PRUNE2: variants seen among roughly 807,000 people sequenced by gnomAD.
The protein encoded by PRUNE2 is protein prune homolog 2.
Under a neutral mutation model 252.0 loss-of-function variants are expected in PRUNE2, and 164 were observed. That is an observed-to-expected ratio of 0.65 (90% CI 0.57 to 0.74). The LOEUF is 0.74. Ranked by LOEUF, PRUNE2 falls within the 30% of genes least tolerant of loss-of-function variation. PRUNE2 has a pLI of 0.00. For synonymous variants in PRUNE2, 1,292 were observed against 1,350.2 expected (o/e 0.96, Z 0.94); for missense variants, 3,495 against 3,711.0 (o/e 0.94, Z 1.51).
chr9:76,757,905 T>G lies in PRUNE2; in HGVS notation c.757-44184A>C, dbSNP rs1186627741. Among the ~76,000 whole-genome samples, 3 of 152,332 alleles carry G rather than the reference T, an allele frequency of 2.0e-5. No individual in the cohort carries two copies. The East Asian group carries it at 5.8e-4, about 29-fold the overall frequency. On this transcript the variant is annotated intron_variant, in intron 6 of 18. Transcript: ENST00000376718. ...TTAGAATAGATCCCGAAAGTCTTAG[T>G]GCAGTTTTAAGCTTTAATGACTTCA...
chr9:76,799,341 C>CAAA (rs71354683), intron 6 of PRUNE2, among the ~76,000 whole-genome samples: 5 of 112,736 alleles, frequency 4.4e-5, no homozygotes, highest in African/African-American at 1.0e-4. Flanking sequence ...AACTCTGTCT[C>CAAA]AAAAAAAAAA....
In PRUNE2 at chr9:76,739,740, G is replaced by T. The variant is rs578088178; in HGVS notation, c.757-26019C>A. ...GCCCTAGAGTTTTCGGAACTCTTTAGATTTCAAAATTGTAGATGGGGGACT... is the reference window on the plus strand; with the variant it reads ...GCCCTAGAGTTTTCGGAACTCTTTATATTTCAAAATTGTAGATGGGGGACT... On this transcript the variant is annotated intron_variant, in intron 6 of 18. Transcript: ENST00000376718. The T allele has an allele frequency of 2.6e-5, 4 of 152,232 alleles. No homozygotes were observed. In the South Asian group the frequency reaches 6.2e-4, roughly 24 times the overall value. 9.4% of individuals were successfully genotyped at this position (152,232 alleles called of 1,614,324 possible). A position where few individuals can be genotyped will look rare whatever the true frequency, so the allele number is the denominator to read the frequency against.
chr9:76,805,206 C>T (rs1428469903), intron 6 of PRUNE2, among the ~76,000 whole-genome samples: 3 of 152,210 alleles, frequency 2.0e-5, no homozygotes, highest in Non-Finnish European at 2.9e-5. Flanking sequence ...CTGAGGCCCC[C>T]CACCGCATGC....
chr9:76,903,768 A>T (rs1049857175), intron 1 of PRUNE2, among the ~76,000 whole-genome samples: 4 of 152,008 alleles, frequency 2.6e-5, no homozygotes, highest in African/African-American at 9.7e-5. Context: ...TTGTACTTTT[A>T]GTAGAGATGA....
rs1048817027 is a variant in PRUNE2, at chr9:76,672,110, A to G, written c.8277-16608T>C. On this transcript the variant is annotated intron_variant, in intron 9 of 18. Transcript: ENST00000376718. Reference sequence around the variant, plus strand: ...CCAATTAAAAGACACAGACTGGCGAATTGGATAAAGAGTCAAGACCCATCA... The same window carrying G: ...CCAATTAAAAGACACAGACTGGCGAGTTGGATAAAGAGTCAAGACCCATCA... Among the ~76,000 whole-genome samples the G allele has an allele frequency of 1.8e-3, 281 of 152,120 alleles. 1 individual carries two copies. Among genetic ancestry groups the G allele is most frequent in the African/African-American group, 6.0e-3 (250 of 41,492 alleles).
At position 76,846,320 on chromosome 9, in the gene PRUNE2, T is replaced by G. The variant is rs542573336; in HGVS notation, c.508+195A>C. 2.2e-4 allele frequency among the ~76,000 whole-genome samples: 34 copies of G among 152,342 alleles called. 2 individuals carry two copies. In the South Asian group the frequency reaches 5.6e-3, roughly 25 times the overall value. On this transcript the variant is annotated intron_variant, in intron 4 of 18. Coordinates refer to ENST00000376718, the MANE Select transcript of PRUNE2 (RefSeq NM_015225.3). The stretch of plus-strand genomic sequence containing the variant: ...CAGCAAAGGCCCCTCATGCCTATTT[T>G]TAAATGCACATTTTTAATATTCAGT...
chr9:76,644,790 G>C lies in PRUNE2; in HGVS notation c.8677C>G (p.Arg2893Gly), dbSNP rs1262506415. The C allele has an allele frequency of 6.2e-7, 1 of 1,613,886 alleles. No individual in the cohort carries two copies. Among genetic ancestry groups the C allele is most frequent in the Middle Eastern group, 1.7e-4 (1 of 6,060 alleles). Residue 2893 changes from arginine to glycine, a missense_variant, in exon 12 of 19, where the codon CGC becomes GGC. Physicochemically the swap from Arg to Gly is moderately radical, Grantham distance 125 (BLOSUM62 -2). Transcript: ENST00000376718. The stretch of plus-strand genomic sequence containing the variant: ...GGCTCGATGACCTTCATGTCAATGC[G>C]CTGCTCTTGTTCTCCAATGACCACT... ...RTVVIGEQEQ[R>G]IDMKVIEPYR...
At chr9:76,656,603 A>G (rs1386251994) in intron 9 of PRUNE2, among the ~76,000 whole-genome samples, 1 of 152,162 alleles carries the variant, frequency 6.6e-6, no homozygotes. Flanking sequence ...CGATTACTGC[A>G]TTTGCTTCAT....
At chr9:76,620,783 A>G (rs951303058) in intron 17 of PRUNE2, among the ~76,000 whole-genome samples, 4 of 152,186 alleles carry the variant, frequency 2.6e-5, no homozygotes, top group African/African-American at 9.7e-5. Context: ...GGAATCAAGA[A>G]AGGGCAATCT....
chr9:76,903,205 G>C (rs556016141), intron 1 of PRUNE2, among the ~76,000 whole-genome samples: 2 of 152,156 alleles, frequency 1.3e-5, no homozygotes, highest in African/African-American at 4.8e-5. Flanking sequence ...TTATATCTAT[G>C]GCTAATAGCA....
rs781645365 is a variant in PRUNE2 at position 76,703,377 on chromosome 9, C to T, written c.8236G>A (p.Glu2746Lys). ...IPDTEMEEET[E>K]FLELGTRISR... is the part of the protein sequence containing the mutation. ...ATCCTGGTTCCGAGCTCAAGGAACT[C>T]TGTCTCCTCCTCCATTTCCGTGTCA... is the stretch of plus-strand genomic sequence containing the variant. The change falls in exon 9 of 19, where the codon GAG becomes AAG. Residue 2746 changes from glutamate to lysine, a missense_variant. By Grantham distance (56) the Glu-to-Lys change is moderately conservative (BLOSUM62 1). Coordinates refer to ENST00000376718, the MANE Select transcript of PRUNE2 (RefSeq NM_015225.3). 3.7e-6 allele frequency: 6 copies of T among 1,608,806 alleles called. No individual in the cohort carries two copies. Among genetic ancestry groups the T allele is most frequent in the Non-Finnish European group, 5.1e-6 (6 of 1,177,140 alleles).
At position 76,652,588 on chromosome 9, in the gene PRUNE2, A is replaced by G. The variant is rs1269289259; in HGVS notation, c.8452T>C (p.Ser2818Pro). 4 of 1,612,696 alleles carry G rather than the reference A, an allele frequency of 2.5e-6. No homozygotes were observed. In the South Asian group the frequency reaches 4.4e-5, roughly 18 times the overall value. The change falls in exon 11 of 19, where the codon TCT becomes CCT. Residue 2818 changes from serine (S) to proline (P), a missense_variant. Physicochemically the swap from Ser to Pro is moderately conservative, Grantham distance 74. Coordinates refer to ENST00000376718, the MANE Select transcript of PRUNE2 (RefSeq NM_015225.3). ...INLSLDQSEGSILSDDNLDSP... is the reference protein window; with the variant it reads ...INLSLDQSEGPILSDDNLDSP... ...TCCAAGTTATCATCAGAGAGAATAG[A>G]TCCTTCACTTTGGTCCAGAGAAAGA...
chr9:76,683,157 G>A (rs1304425193), intron 9 of PRUNE2, among the ~76,000 whole-genome samples: 4 of 152,194 alleles, frequency 2.6e-5, no homozygotes, highest in Non-Finnish European at 5.9e-5. Context: ...AACTGACCCA[G>A]GACTGACCAA....
intron 6 of PRUNE2, among the ~76,000 whole-genome samples, chr9:76,792,317 A>G (rs2055631452): frequency 6.6e-6 from 1 of 152,118 alleles, no homozygotes; most frequent in Admixed American, 6.5e-5. Context: ...TTCACCTTCC[A>G]CCATGATTGT....
intron 9 of PRUNE2, among the ~76,000 whole-genome samples, chr9:76,663,002 C>T (rs1257811306): frequency 6.6e-6 from 1 of 152,150 alleles, no homozygotes; most frequent in African/African-American, 2.4e-5. Flanking sequence ...ATCAATTAGC[C>T]TATGGGCTGG....
chr9:76,720,215 A>T (rs1450549328), intron 6 of PRUNE2, among the ~76,000 whole-genome samples: 1 of 152,254 alleles, frequency 6.6e-6, no homozygotes, highest in African/African-American at 2.4e-5. Context: ...ACATAAAAGT[A>T]GAATGTCATT....
intron 6 of PRUNE2, among the ~76,000 whole-genome samples, chr9:76,788,076 A>C (rs1383675596): frequency 6.6e-6 from 1 of 152,254 alleles, no homozygotes; most frequent in Admixed American, 6.5e-5. Context: ...ATTACCAGCA[A>C]CTAAAGTTCT....
At position 76,879,982 on chromosome 9, in the gene PRUNE2, C is replaced by T. The variant is rs145307549; in HGVS notation, c.37-25774G>A. On this transcript the variant is annotated intron_variant, in intron 1 of 18. Coordinates refer to ENST00000376718, the MANE Select transcript of PRUNE2 (RefSeq NM_015225.3). ...AGGCTGGAGTGCAGTGGTGCAATCT[C>T]GACTCACTGCAAGCTCCGCCTCTGG... is the stretch of plus-strand genomic sequence containing the variant. 9.9e-3 allele frequency among the ~76,000 whole-genome samples: 1,290 copies of T among 130,734 alleles called. 34 individuals are homozygous for T. Among genetic ancestry groups the T allele is most frequent in the African/African-American group, 0.036 (1,231 of 33,860 alleles). The allele number at this position is 130,734 out of a possible 152,430, so 85.8% of individuals were successfully genotyped here.
chr9:76,818,617 G>A (rs1164932935), intron 6 of PRUNE2, among the ~76,000 whole-genome samples: 1 of 151,980 alleles, frequency 6.6e-6, no homozygotes, highest in South Asian at 2.1e-4. Flanking sequence ...GAAAGAAAGA[G>A]AGAAAACGGC....
Sources: allele counts gnomAD v4.1 joint callset (sites outside exome capture counted in the v4.1 genomes callset), GRCh38; gene constraint gnomAD v4.1.1; transcripts MANE v1.5; gene names NCBI Gene and HGNC (gene_info 2026-07-23, HGNC 2026-07-21).